Variants in RNF157 observed in about 807,000 individuals in gnomAD.
RNF157 encodes the protein E3 ubiquitin ligase RNF157.
RNF157 carries 55 observed loss-of-function variants against 88.3 expected under a neutral mutation model. That is an observed-to-expected ratio of 0.62 (90% CI 0.50 to 0.78). RNF157 has a LOEUF of 0.78. Among genes scored for constraint, RNF157 ranks in the 30% least tolerant of loss-of-function variants. The probability of loss-of-function intolerance (pLI) is 0.00; values close to 1 mark genes in which losing one functional copy is unlikely to be tolerated. For synonymous variants in RNF157, 334 were observed against 341.2 expected (o/e 0.98, Z 0.23); for missense variants, 788 against 860.8 (o/e 0.92, Z 1.06).
At chr17:76,154,031 C>T (rs2068722943) in intron 17 of RNF157, 2 of 475,886 alleles carry the variant, frequency 4.2e-6, no homozygotes, top group Non-Finnish European at 7.6e-6. Flanking sequence ...AAATATGGAC[C>T]TGTATGTATC....
intron 2 of RNF157, among the ~76,000 whole-genome samples, chr17:76,204,390 C>T (rs768849386): frequency 3.9e-5 from 6 of 152,314 alleles, no homozygotes; most frequent in African/African-American, 1.4e-4. Context: ...GGTCCTCTCT[C>T]GTAGAACCTA....
chr17:76,237,138 T>C (rs994118069), intron 1 of RNF157, among the ~76,000 whole-genome samples: 2 of 152,236 alleles, frequency 1.3e-5, no homozygotes, highest in African/African-American at 4.8e-5. Flanking sequence ...TATTTAAGGA[T>C]AGAAAAAAGC....
At chr17:76,194,864 A>C (rs985420478) in intron 2 of RNF157, among the ~76,000 whole-genome samples, 1 of 152,076 alleles carries the variant, frequency 6.6e-6, no homozygotes, top group Admixed American at 6.5e-5. Context: ...AAATACAAAA[A>C]ATTAGCCAGG....
intron 8 of RNF157, chr17:76,163,190 CTT>C (rs35564567): frequency 2.7e-4 from 33 of 121,366 alleles, no homozygotes; most frequent in Middle Eastern, 4.5e-3. Flanking sequence ...GCCCTGTTTC[CTT>C]TTTTTTTTTT....
At chr17:76,168,929 TC>T (rs1215271581) in intron 3 of RNF157, among the ~76,000 whole-genome samples, 2 of 152,212 alleles carry the variant, frequency 1.3e-5, no homozygotes, top group African/African-American at 4.8e-5. Flanking sequence ...CCAGCGTTGC[TC>T]CCAAGAAGTC....
At chr17:76,208,006 C>T (rs895134351) in intron 2 of RNF157, among the ~76,000 whole-genome samples, 4 of 151,998 alleles carry the variant, frequency 2.6e-5, no homozygotes, top group Admixed American at 6.6e-5. Context: ...GCCTTGGCAT[C>T]CTGGGCTCAA....
chr17:76,165,893 G>A (rs1206280318), intron 6 of RNF157, among the ~76,000 whole-genome samples: 4 of 152,038 alleles, frequency 2.6e-5, no homozygotes, highest in Non-Finnish European at 5.9e-5. Context: ...GGTCAGGCTG[G>A]TCTCAAACTC....
intron 2 of RNF157, among the ~76,000 whole-genome samples, chr17:76,192,756 T>C (rs775532377): frequency 3.0e-4 from 46 of 151,528 alleles, no homozygotes; most frequent in Non-Finnish European, 6.2e-4. Context: ...GACTGGAAAA[T>C]GAAGATGAAA....
At chr17:76,177,694 C>T (rs2069126961) in intron 2 of RNF157, among the ~76,000 whole-genome samples, 1 of 152,050 alleles carries the variant, frequency 6.6e-6, no homozygotes, top group South Asian at 2.1e-4. Context: ...CACTTCCTCC[C>T]CTCTGAGGCC....
chr17:76,235,728 G>T (rs1285171661), intron 1 of RNF157, among the ~76,000 whole-genome samples: 1 of 151,700 alleles, frequency 6.6e-6, no homozygotes, highest in Non-Finnish European at 1.5e-5. Flanking sequence ...TACATCTATG[G>T]CTGGGTACGG....
intron 1 of RNF157, among the ~76,000 whole-genome samples, chr17:76,225,250 C>T (rs1039901314): frequency 6.6e-6 from 1 of 152,154 alleles, no homozygotes. Flanking sequence ...CTTTGGGAGG[C>T]TGAGGTGGGA....
At chr17:76,166,915 C>T (rs926356228) in intron 5 of RNF157, 94 bp downstream of exon 5, 3 of 767,776 alleles carry the variant, frequency 3.9e-6, no homozygotes, top group Non-Finnish European at 6.4e-6. Context: ...GGCCTTCAAG[C>T]ATCCGAGCAG....
chr17:76,159,488 G>C lies in RNF157; in HGVS notation c.1151C>G (p.Pro384Arg). The change falls in exon 12 of 19, where the codon CCT becomes CGT. Residue 384 changes from proline to arginine, a missense_variant. Transcript: ENST00000269391. ...NGPLTPSPAV[P>R]PLHVLGDGHL... Reference sequence around the variant, plus strand: ...GCCATCTCCAAGCACGTGAAGTGGAGGAACTGCTGGGGACGGGGTGAGGGG... The same window carrying C: ...GCCATCTCCAAGCACGTGAAGTGGACGAACTGCTGGGGACGGGGTGAGGGG... 1 of 1,609,264 alleles carries C rather than the reference G, an allele frequency of 6.2e-7. No homozygotes were observed. Among genetic ancestry groups the C allele is most frequent in the Non-Finnish European group, 8.5e-7 (1 of 1,178,296 alleles).
intron 2 of RNF157, among the ~76,000 whole-genome samples, chr17:76,188,447 T>C (rs1450841482): frequency 6.6e-6 from 1 of 152,226 alleles, no homozygotes; most frequent in Non-Finnish European, 1.5e-5. Context: ...CTTCTGATCA[T>C]CTTTCAGGGC....
chr17:76,170,178 C>T (rs982142356), intron 3 of RNF157, among the ~76,000 whole-genome samples: 3 of 151,980 alleles, frequency 2.0e-5, no homozygotes, highest in African/African-American at 7.3e-5. Context: ...ATTCTAGGGG[C>T]AGAATGGAGA....
At chr17:76,186,305 A>C (rs1418996253) in intron 2 of RNF157, among the ~76,000 whole-genome samples, 1 of 151,948 alleles carries the variant, frequency 6.6e-6, no homozygotes, top group Non-Finnish European at 1.5e-5. Flanking sequence ...CAGGAGTTTG[A>C]GACCAGCCTG....
chr17:76,191,202 G>A (rs1236445096), intron 2 of RNF157, among the ~76,000 whole-genome samples: 1 of 152,152 alleles, frequency 6.6e-6, no homozygotes, highest in African/African-American at 2.4e-5. Context: ...TGGGCTGGGT[G>A]TGGTGGCTTA....
In RNF157 at chr17:76,155,315, C is replaced by A. The variant is rs73345593; in HGVS notation, c.1701G>T (p.Gly567=). The A allele has an allele frequency of 6.7e-4, 1,076 of 1,614,102 alleles. 6 individuals are homozygous for A. The African/African-American group carries it at 0.013, about 20-fold the overall frequency. Reference sequence around the variant, plus strand: ...TGCTGTCTGGAGACTCCGCTGGCAGCCCCTGCAGAAGAGCACAGTTTTTAC... The same window carrying A: ...TGCTGTCTGGAGACTCCGCTGGCAGACCCTGCAGAAGAGCACAGTTTTTAC... ...ASRAPSEEGE[G]LPAESPDSNF... is the part of the protein sequence containing the mutation. The change falls in exon 16 of 19, where the codon GGG becomes GGT. Residue 567 remains glycine, a splice_region_variant and synonymous_variant. Transcript: ENST00000269391.
intron 1 of RNF157, among the ~76,000 whole-genome samples, chr17:76,238,019 G>A (rs2070310936): frequency 6.6e-6 from 1 of 151,788 alleles, no homozygotes; most frequent in African/African-American, 2.4e-5. Context: ...TAGAGGCAGA[G>A]GTTGCAGTAA....
Sources: allele counts gnomAD v4.1 joint callset (sites outside exome capture counted in the v4.1 genomes callset), GRCh38; gene constraint gnomAD v4.1.1; transcripts MANE v1.5; gene names NCBI Gene and HGNC (gene_info 2026-07-23, HGNC 2026-07-21).